PKNOX2: variants seen among roughly 807,000 people sequenced by gnomAD.
PKNOX2 encodes homeobox protein PKNOX2.
Under a neutral mutation model 53.1 loss-of-function variants are expected in PKNOX2, and 14 were observed. The observed-to-expected ratio is 0.26, with a 90% CI of 0.17 to 0.41. The LOEUF is 0.41. PKNOX2 is among the 10% of genes least tolerant of loss of function. PKNOX2 has a pLI of 1.00. For missense variants in PKNOX2, 496 were observed against 602.8 expected, an observed-to-expected ratio of 0.82 and a Z score of 1.85; for synonymous variants, 257 against 242.8, an observed-to-expected ratio of 1.06 and a Z score of -0.54.
At chr11:125,170,879 G>A in intron 1 of PKNOX2, among the ~76,000 whole-genome samples, 1 of 152,152 alleles carries the variant, frequency 6.6e-6, no homozygotes, top group South Asian at 2.1e-4. Flanking sequence ...GGGCCGGGGT[G>A]GGTGGGGTAA....
chr11:125,402,632 A>G (rs1237485367), intron 7 of PKNOX2, among the ~76,000 whole-genome samples: 2 of 152,162 alleles, frequency 1.3e-5, no homozygotes, highest in Non-Finnish European at 2.9e-5. Context: ...ATGAGTCACA[A>G]TGAGGATCTA....
intron 6 of PKNOX2, among the ~76,000 whole-genome samples, chr11:125,386,479 CTGTT>C (rs1469470185): frequency 1.3e-5 from 2 of 152,248 alleles, no homozygotes; most frequent in Admixed American, 1.3e-4. Context: ...AGAGGTTTCT[CTGTT>C]TGTCCATTAC....
chr11:125,416,085 C>T (rs562574086), intron 10 of PKNOX2, among the ~76,000 whole-genome samples: 2 of 151,772 alleles, frequency 1.3e-5, no homozygotes, highest in East Asian at 1.9e-4. Context: ...GGGCGGATCA[C>T]GAGGTCAGGA....
intron 2 of PKNOX2, among the ~76,000 whole-genome samples, chr11:125,273,686 T>C (rs1945971259): frequency 6.6e-6 from 1 of 152,194 alleles, no homozygotes; most frequent in Non-Finnish European, 1.5e-5. Flanking sequence ...TGGTGTGACC[T>C]TGGGCAACAC....
chr11:125,279,069 C>T (rs918097627), intron 2 of PKNOX2, among the ~76,000 whole-genome samples: 2 of 152,204 alleles, frequency 1.3e-5, no homozygotes, highest in African/African-American at 2.4e-5. Flanking sequence ...TCTGGCTTGG[C>T]GGGACTATTG....
chr11:125,252,262 A>G lies in PKNOX2; in HGVS notation c.-130+17147A>G, dbSNP rs1022531161. Among the ~76,000 whole-genome samples the G allele has an allele frequency of 8.5e-5, 13 of 152,262 alleles. 1 individual carries two copies. The South Asian group carries it at 2.7e-3, about 32-fold the overall frequency. The stretch of plus-strand genomic sequence containing the variant: ...TGAGGTGAAATGCAAAATTTCCCAC[A>G]TTTCAGGAGCATCGTGTGGGACAAA... On this transcript the variant is annotated intron_variant, in intron 2 of 12. Coordinates refer to ENST00000298282, the MANE Select transcript of PKNOX2 (RefSeq NM_001382323.2).
At chr11:125,259,714 G>T (rs73621005) in intron 2 of PKNOX2, among the ~76,000 whole-genome samples, 2,020 of 152,264 alleles carry the variant, frequency 0.013, 42 homozygotes, top group African/African-American at 0.045. Flanking sequence ...GGCCCACACT[G>T]GGCCATGGGA....
In PKNOX2 at chr11:125,413,934, A is replaced by G. The variant is rs547786344; in HGVS notation, c.936+2069A>G. On this transcript the variant is annotated intron_variant, in intron 10 of 12. Transcript: ENST00000298282. ...CCTGCTCACTGACTCTCCTCACCCTATCTGTGGCCTTCCCCTTCACTACTT... is the reference window on the plus strand; with the variant it reads ...CCTGCTCACTGACTCTCCTCACCCTGTCTGTGGCCTTCCCCTTCACTACTT... 1.4e-3 allele frequency among the ~76,000 whole-genome samples: 207 copies of G among 152,160 alleles called. 1 individual carries two copies. Among genetic ancestry groups the G allele is most frequent in the Non-Finnish European group, 2.5e-3 (167 of 67,974 alleles).
chr11:125,242,184 A>G (rs1248275890), intron 2 of PKNOX2, among the ~76,000 whole-genome samples: 3 of 152,102 alleles, frequency 2.0e-5, no homozygotes, highest in Admixed American at 6.5e-5. Context: ...GCACATGCTC[A>G]CATGTGAGGT....
chr11:125,388,708 G>A (rs910627671), intron 6 of PKNOX2, among the ~76,000 whole-genome samples: 10 of 150,612 alleles, frequency 6.6e-5, no homozygotes, highest in African/African-American at 2.0e-4. Context: ...CCAGCTGGCC[G>A]CCCCCCTGTC....
rs542807653 is a variant in PKNOX2, at chr11:125,312,605, A to G, written c.-129-19214A>G. On this transcript the variant is annotated intron_variant, in intron 2 of 12. Coordinates refer to ENST00000298282, the MANE Select transcript of PKNOX2 (RefSeq NM_001382323.2). ...TGGCTCTGTGGATGACTGCAAGGGC[A>G]GACCCACCGCACCCTGCCTGCCACC... Among the ~76,000 whole-genome samples the G allele has an allele frequency of 6.4e-4, 98 of 152,288 alleles. 1 individual carries two copies. The highest frequency in any genetic ancestry group is 1.7e-3 in the African/African-American group (71 of 41,564).
At chr11:125,218,090 C>T (rs537347781) in intron 1 of PKNOX2, among the ~76,000 whole-genome samples, 37 of 152,176 alleles carry the variant, frequency 2.4e-4, no homozygotes, top group African/African-American at 8.4e-4. Flanking sequence ...CTTCTAGCTG[C>T]TCTTTAAAGT....
chr11:125,296,670 T>G (rs1947680580), intron 2 of PKNOX2, among the ~76,000 whole-genome samples: 1 of 152,202 alleles, frequency 6.6e-6, no homozygotes, highest in South Asian at 2.1e-4. Flanking sequence ...AGAGTCTCGC[T>G]CTGTTGCCAG....
At chr11:125,196,833 A>G (rs1937751831) in intron 1 of PKNOX2, among the ~76,000 whole-genome samples, 2 of 152,262 alleles carry the variant, frequency 1.3e-5, no homozygotes, top group Non-Finnish European at 1.5e-5. Context: ...CCTGATGATT[A>G]GTGAAGATAA....
chr11:125,320,927 T>A (rs560195447), intron 2 of PKNOX2, among the ~76,000 whole-genome samples: 49 of 152,302 alleles, frequency 3.2e-4, no homozygotes, highest in African/African-American at 1.2e-3. Flanking sequence ...GTGTAATTAG[T>A]CATTGTGCTC....
intron 2 of PKNOX2, among the ~76,000 whole-genome samples, chr11:125,328,426 T>C (rs1432300237): frequency 6.6e-6 from 1 of 152,018 alleles, no homozygotes; most frequent in Non-Finnish European, 1.5e-5. Flanking sequence ...ATAGTATGTG[T>C]GTTGTGTCTT....
At chr11:125,350,914 G>A (rs761952768) in intron 3 of PKNOX2, among the ~76,000 whole-genome samples, 38 of 152,084 alleles carry the variant, frequency 2.5e-4, no homozygotes, top group South Asian at 6.2e-4. Flanking sequence ...GGGTCCTCCT[G>A]GGGAAGGAGG....
intron 2 of PKNOX2, among the ~76,000 whole-genome samples, chr11:125,249,638 A>T (rs1943846190): frequency 6.6e-6 from 1 of 152,246 alleles, no homozygotes; most frequent in African/African-American, 2.4e-5. Context: ...ACCATTTCGT[A>T]TCACGGATTC....
At chr11:125,260,529 T>C (rs771579718) in intron 2 of PKNOX2, among the ~76,000 whole-genome samples, 1 of 152,098 alleles carries the variant, frequency 6.6e-6, no homozygotes, top group Non-Finnish European at 1.5e-5. Flanking sequence ...AGAAAGGTGA[T>C]TGATGCTCAC....
Sources: allele counts gnomAD v4.1 joint callset (sites outside exome capture counted in the v4.1 genomes callset), GRCh38; gene constraint gnomAD v4.1.1; transcripts MANE v1.5; gene names NCBI Gene and HGNC (gene_info 2026-07-23, HGNC 2026-07-21).